The following SLC24A4 variants were observed in gnomAD, a reference collection of about 807,000 sequenced individuals.
SLC24A4 encodes the protein solute carrier family 24 member 4, also known as sodium/potassium/calcium exchanger 4.
SLC24A4 carries 53 observed loss-of-function variants against 79.0 expected under a neutral mutation model. The ratio of observed to expected loss-of-function variants is 0.67; its 90% CI spans 0.54 to 0.84. SLC24A4 has a LOEUF of 0.84. Among genes scored for constraint, SLC24A4 ranks in the 40% least tolerant of loss-of-function variants. The pLI is 0.00. For synonymous variants in SLC24A4, 323 were observed against 323.8 expected, an observed-to-expected ratio of 1.00 and a Z score of 0.03; for missense variants, 731 against 822.0, an observed-to-expected ratio of 0.89 and a Z score of 1.35.
intron 14 of SLC24A4, among the ~76,000 whole-genome samples, chr14:92,487,602 G>T (rs1895441672): frequency 6.6e-6 from 1 of 152,176 alleles, no homozygotes; most frequent in Non-Finnish European, 1.5e-5. Context: ...TTTGCTGGTC[G>T]GCAGGGCCCT....
chr14:92,422,381 T>A (rs755023256), intron 2 of SLC24A4, among the ~76,000 whole-genome samples: 3 of 152,234 alleles, frequency 2.0e-5, no homozygotes, highest in Non-Finnish European at 4.4e-5. Flanking sequence ...GAAACTGTTA[T>A]GTCAAAGGGA....
At chr14:92,471,835 G>A (rs922775241) in intron 12 of SLC24A4, among the ~76,000 whole-genome samples, 1 of 152,202 alleles carries the variant, frequency 6.6e-6, no homozygotes, top group African/African-American at 2.4e-5. Flanking sequence ...GGGAGTAGAT[G>A]CTAGCCAGAT....
intron 10 of SLC24A4, chr14:92,450,593 AG>A (rs1893080069): frequency 6.6e-6 from 1 of 152,356 alleles, no homozygotes; most frequent in South Asian, 2.1e-4. Flanking sequence ...AGGAGCCATG[AG>A]GGCGGCTGTG....
At chr14:92,363,834 AAAAAG>A (rs1195653851) in intron 2 of SLC24A4, among the ~76,000 whole-genome samples, 13 of 152,126 alleles carry the variant, frequency 8.5e-5, no homozygotes, top group Non-Finnish European at 7.4e-5. Flanking sequence ...GTCTAAAAAA[AAAAAG>A]AAAAGAAAAG....
chr14:92,382,685 C>T (rs879314500), intron 2 of SLC24A4, among the ~76,000 whole-genome samples: 16 of 152,196 alleles, frequency 1.1e-4, no homozygotes, highest in African/African-American at 3.1e-4. Flanking sequence ...CTGCCCCCTC[C>T]GTAGGTCATG....
chr14:92,408,478 G>A (rs1201450259), intron 2 of SLC24A4: 3 of 959,972 alleles, frequency 3.1e-6, no homozygotes, highest in Non-Finnish European at 3.7e-6. Flanking sequence ...TGGGCTGATT[G>A]TTTTAATGAT....
chr14:92,432,415 A>C (rs950541240), intron 2 of SLC24A4, among the ~76,000 whole-genome samples: 1 of 152,244 alleles, frequency 6.6e-6, no homozygotes, highest in African/African-American at 2.4e-5. Context: ...TCAGCTCTCA[A>C]AACCCTGGTT....
In SLC24A4 at chr14:92,349,312, A is replaced by G. The variant is rs572463856; in HGVS notation, c.241+23334A>G. ...GTAGCTGGGATTACAGGTGCACACC[A>G]CCACACCCGGGTAATTTTTGTATTT... On this transcript the variant is annotated intron_variant, in intron 2 of 16. Coordinates refer to ENST00000532405, the MANE Select transcript of SLC24A4 (RefSeq NM_153646.4). 6.6e-5 allele frequency among the ~76,000 whole-genome samples: 10 copies of G among 152,160 alleles called. No individual in the cohort carries two copies. The South Asian group carries it at 2.1e-3, about 32-fold the overall frequency.
rs147991081 is a variant in SLC24A4, at chr14:92,390,888, G to A, written c.242-43024G>A. On this transcript the variant is annotated intron_variant, in intron 2 of 16. Coordinates refer to ENST00000532405, the MANE Select transcript of SLC24A4 (RefSeq NM_153646.4). ...GGGTCTTAGCACAATAAAGGTTTAC[G>A]CCTCATTTATGCAACACTGCAGCAT... Among the ~76,000 whole-genome samples, 3 of 152,304 alleles carry A rather than the reference G, an allele frequency of 2.0e-5. No homozygotes were observed. In the East Asian group the frequency reaches 5.8e-4, roughly 29 times the overall value.
At chr14:92,439,893 C>T (rs374287766) in intron 4 of SLC24A4, among the ~76,000 whole-genome samples, 6 of 152,248 alleles carry the variant, frequency 3.9e-5, no homozygotes, top group South Asian at 2.1e-4. Flanking sequence ...TAGTTTTTGA[C>T]TTTCTTTCCT....
chr14:92,391,682 G>A (rs1367880758), intron 2 of SLC24A4, among the ~76,000 whole-genome samples: 1 of 152,234 alleles, frequency 6.6e-6, no homozygotes, highest in Non-Finnish European at 1.5e-5. Context: ...TTAGTAGAAT[G>A]TGGCAGAAGA....
chr14:92,467,468 AAAAGCTTTCCCC>A (rs1409969122), intron 12 of SLC24A4, among the ~76,000 whole-genome samples: 20 of 152,250 alleles, frequency 1.3e-4, no homozygotes, highest in African/African-American at 4.8e-4. Context: ...GTGAAAGACT[AAAAGCTTTCCCC>A]TAAGATCAAG....
intron 2 of SLC24A4, among the ~76,000 whole-genome samples, chr14:92,400,090 A>G (rs1890015710): frequency 6.6e-6 from 1 of 152,026 alleles, no homozygotes; most frequent in Non-Finnish European, 1.5e-5. Flanking sequence ...AGTATGTTAG[A>G]ATTGGTGGTG....
chr14:92,413,168 C>A (rs952157225), intron 2 of SLC24A4, among the ~76,000 whole-genome samples: 2 of 152,134 alleles, frequency 1.3e-5, no homozygotes, highest in African/African-American at 2.4e-5. Context: ...CTCATCCTGT[C>A]GTTGCTTTGC....
chr14:92,403,009 G>A (rs1337046475), intron 2 of SLC24A4, among the ~76,000 whole-genome samples: 1 of 152,102 alleles, frequency 6.6e-6, no homozygotes, highest in Non-Finnish European at 1.5e-5. Flanking sequence ...TCCCAGGTGG[G>A]GACCAGGGAC....
intron 6 of SLC24A4, 69 bp from the exon 7 acceptor site, chr14:92,443,331 G>A (rs1892607149): frequency 4.0e-6 from 6 of 1,484,334 alleles, no homozygotes; most frequent in Non-Finnish European, 5.6e-6. Context: ...GGGGGGAGGA[G>A]GCCTGGGCAG....
In SLC24A4 at chr14:92,494,969, A is replaced by C. The variant is rs1895873291; in HGVS notation, c.*1341A>C. The stretch of plus-strand genomic sequence containing the variant: ...GATTTCTAAAAAGAAAGCACAATTA[A>C]TTTTATAGAGAGGTTTTTTATTTTT... On this transcript the variant is annotated 3_prime_UTR_variant, in exon 17 of 17. Coordinates refer to ENST00000532405, the MANE Select transcript of SLC24A4 (RefSeq NM_153646.4). This position sits in a 1 kb window ranked among gnomAD's most constrained non-coding sequence, Gnocchi z 4.6. 6.6e-6 allele frequency: 1 copy of C among 152,642 alleles called. No homozygotes were observed. Among genetic ancestry groups the C allele is most frequent in the South Asian group, 2.1e-4 (1 of 4,826 alleles). The allele number at this position is 152,642 out of a possible 1,614,324, so 9.5% of individuals were successfully genotyped here.
intron 8 of SLC24A4, among the ~76,000 whole-genome samples, chr14:92,446,211 G>A (rs181197030): frequency 8.6e-5 from 13 of 151,368 alleles, no homozygotes; most frequent in African/African-American, 1.7e-4. Context: ...TTACTCTGTC[G>A]CCCAGGCTAG....
chr14:92,411,780 T>C (rs1361803321), intron 2 of SLC24A4, among the ~76,000 whole-genome samples: 5 of 152,188 alleles, frequency 3.3e-5, no homozygotes, highest in Non-Finnish European at 7.3e-5. Flanking sequence ...TGTCTAGAGA[T>C]AAATAAGGCA....
Sources: allele counts gnomAD v4.1 joint callset (sites outside exome capture counted in the v4.1 genomes callset), GRCh38; gene constraint gnomAD v4.1.1; non-coding constraint Gnocchi (gnomAD v3.1); transcripts MANE v1.5; gene names NCBI Gene and HGNC (gene_info 2026-07-23, HGNC 2026-07-21).